JAK1: variants seen among roughly 807,000 people sequenced by gnomAD.
JAK1 encodes Janus kinase 1, also known as tyrosine-protein kinase JAK1.
Under a neutral mutation model 136.6 loss-of-function variants are expected in JAK1, and 16 were observed. That is an observed-to-expected ratio of 0.12 (90% CI 0.08 to 0.18). The LOEUF is 0.18. JAK1 is among the 10% of genes least tolerant of loss of function. The pLI is 1.00. For missense variants in JAK1, 859 were observed against 1,450.1 expected, an observed-to-expected ratio of 0.59 and a Z score of 6.62; for synonymous variants, 492 against 519.5, an observed-to-expected ratio of 0.95 and a Z score of 0.72.
intron 17 of JAK1, among the ~76,000 whole-genome samples, chr1:64,843,810 C>G (rs565496883): frequency 6.6e-6 from 1 of 152,184 alleles, no homozygotes; most frequent in South Asian, 2.1e-4. Flanking sequence ...GCATGCCTGT[C>G]ACTCTATATG....
Position 64,834,100 on chromosome 1 carries a change from T to G in JAK1, c.*462A>C, listed in dbSNP as rs1324276053. ...GTCTAGTACTGTATAGATACTGAAATTTGAGGGCTAAGTCCATCAATCTTT... is the reference window on the plus strand; with the variant it reads ...GTCTAGTACTGTATAGATACTGAAAGTTGAGGGCTAAGTCCATCAATCTTT... On this transcript the variant is annotated 3_prime_UTR_variant, in exon 25 of 25. Transcript: ENST00000342505. The G allele has an allele frequency of 4.1e-6, 1 of 245,066 alleles. No individual in the cohort carries two copies. The highest frequency in any genetic ancestry group is 8.1e-6 in the Non-Finnish European group (1 of 124,104). 15.2% of individuals were successfully genotyped at this position (245,066 alleles called of 1,614,324 possible). A position where few individuals can be genotyped will look rare whatever the true frequency, so the allele number is the denominator to read the frequency against.
intron 19 of JAK1, among the ~76,000 whole-genome samples, chr1:64,840,621 G>A (rs952613903): frequency 1.3e-5 from 2 of 152,128 alleles, no homozygotes; most frequent in Non-Finnish European, 2.9e-5. Context: ...TTGAGGCCAG[G>A]AGTCTGAGAG....
At chr1:64,954,643 A>C (rs1285445890) in intron 1 of JAK1, among the ~76,000 whole-genome samples, 1 of 152,216 alleles carries the variant, frequency 6.6e-6, no homozygotes, top group Non-Finnish European at 1.5e-5. Context: ...TTTATTATTT[A>C]TATTTCTATT....
chr1:65,007,775 T>C (rs1382607241), intron 2 of JAK1, among the ~76,000 whole-genome samples: 1 of 151,064 alleles, frequency 6.6e-6, no homozygotes, highest in East Asian at 1.9e-4. Context: ...ATACAGCGTT[T>C]TGCTCTGTCG....
chr1:64,966,863 G>A (rs1471625641), upstream of JAK1, among the ~76,000 whole-genome samples: 1 of 151,952 alleles, frequency 6.6e-6, no homozygotes, highest in African/African-American at 2.4e-5. Context: ...CCCAGCTCTG[G>A]AGCCCCCTCC....
intron 1 of JAK1, among the ~76,000 whole-genome samples, chr1:64,953,465 G>GACCCA (rs1417945177): frequency 1.3e-5 from 2 of 152,080 alleles, no homozygotes; most frequent in Non-Finnish European, 2.9e-5. Context: ...GGTACGCTCA[G>GACCCA]ACCCACACAG....
chr1:65,007,744 TG>T (rs913115203), intron 2 of JAK1, among the ~76,000 whole-genome samples: 3 of 148,336 alleles, frequency 2.0e-5, no homozygotes, highest in African/African-American at 5.1e-5. Flanking sequence ...ATTATAGGTA[TG>T]TTTTTTTTTT....
intron 2 of JAK1, chr1:64,995,088 G>A (rs909487252): frequency 6.6e-6 from 1 of 151,980 alleles, no homozygotes; most frequent in Non-Finnish European, 1.5e-5. Context: ...TAATTCTGGT[G>A]CTATAAAAAG....
chr1:64,846,600 C>T (rs74080756), intron 14 of JAK1, 49 bp downstream of exon 14: 2 of 1,421,726 alleles, frequency 1.4e-6, no homozygotes, highest in African/African-American at 2.8e-5. Context: ...CCACAGCACC[C>T]AAGCTCCCCA....
At chr1:65,018,686 T>A (rs151203776) in intron 2 of JAK1, among the ~76,000 whole-genome samples, 1 of 152,092 alleles carries the variant, frequency 6.6e-6, no homozygotes, top group Non-Finnish European at 1.5e-5. Context: ...TTTAAAAACA[T>A]GAACATGATT....
intron 12 of JAK1, 86 bp downstream of exon 12, chr1:64,850,718 C>G: frequency 1.2e-6 from 1 of 867,156 alleles, no homozygotes; most frequent in South Asian, 1.4e-5. Context: ...TCCCCAAACA[C>G]AGCCTTCCTT....
At chr1:64,982,104 A>ACG (rs1646552601) in intron 2 of JAK1, among the ~76,000 whole-genome samples, 1 of 146,706 alleles carries the variant, frequency 6.8e-6, no homozygotes, top group Admixed American at 6.9e-5. Context: ...ACACACACGC[A>ACG]CACACACACG....
chr1:64,857,849 A>C, intron 9 of JAK1, 70 bp from the exon 10 acceptor site: 2 of 1,579,060 alleles, frequency 1.3e-6, no homozygotes, highest in Non-Finnish European at 1.7e-6. Context: ...TGGGCTATCC[A>C]CTCTCCTGAG....
At chr1:65,038,350 C>T (rs764538837) in intron 2 of JAK1, among the ~76,000 whole-genome samples, 18 of 151,690 alleles carry the variant, frequency 1.2e-4, no homozygotes, top group Non-Finnish European at 2.5e-4. Context: ...AGGCATGTGC[C>T]ACCACGCCCA....
intron 1 of JAK1, among the ~76,000 whole-genome samples, chr1:64,960,417 T>C (rs1030534740): frequency 6.6e-6 from 1 of 152,086 alleles, no homozygotes; most frequent in African/African-American, 2.4e-5. Context: ...AATCATACAG[T>C]GTAGATCCAG....
chr1:64,867,913 C>T (rs1001625719), intron 6 of JAK1, among the ~76,000 whole-genome samples: 1 of 152,092 alleles, frequency 6.6e-6, no homozygotes, highest in Non-Finnish European at 1.5e-5. Flanking sequence ...TCGCTTGAAC[C>T]TGGGAGGCCA....
In JAK1 at chr1:64,902,583, A is replaced by AGAGAGTGTGTGTGTGTGTGT; in HGVS notation, c.-77-16243_-77-16242insACACACACACACACACTCTC. Among the ~76,000 whole-genome samples the AGAGAGTGTGTGTGTGTGTGT allele has an allele frequency of 4.6e-4, 34 of 73,792 alleles. 1 individual carries two copies. The highest frequency in any genetic ancestry group is 3.8e-3 in the Admixed American group (21 of 5,596). 48.4% of individuals were successfully genotyped at this position (73,792 alleles called of 152,430 possible). A position where few individuals can be genotyped will look rare whatever the true frequency, so the allele number is the denominator to read the frequency against. On this transcript the variant is annotated intron_variant, in intron 1 of 24. Coordinates refer to ENST00000342505, the MANE Select transcript of JAK1 (RefSeq NM_002227.4). Reference sequence around the variant, plus strand: ...GAGAGAGAGAGAGAGAGAGAGAGAGAGTGTGTGTGTGTGTGTGTGTGTGTG... The same window carrying AGAGAGTGTGTGTGTGTGTGT: ...GAGAGAGAGAGAGAGAGAGAGAGAGAGAGAGTGTGTGTGTGTGTGTGTGTGTGTGTGTGTGTGTGTGTGTG...
chr1:64,843,982 C>G, intron 17 of JAK1, 82 bp downstream of exon 17: 3 of 1,520,100 alleles, frequency 2.0e-6, no homozygotes, highest in South Asian at 1.2e-5. Context: ...TCCCACAGTG[C>G]CAGGCTTCCG....
intron 1 of JAK1, among the ~76,000 whole-genome samples, chr1:65,052,101 C>T (rs1325624040): frequency 1.3e-5 from 2 of 149,966 alleles, no homozygotes; most frequent in Admixed American, 6.7e-5. Flanking sequence ...TACAAGCATG[C>T]ACCACCACGC....
Sources: allele counts gnomAD v4.1 joint callset (sites outside exome capture counted in the v4.1 genomes callset), GRCh38; gene constraint gnomAD v4.1.1; transcripts MANE v1.5; gene names NCBI Gene and HGNC (gene_info 2026-07-23, HGNC 2026-07-21).